STEAP1B: variants seen among roughly 807,000 people sequenced by gnomAD.
The protein encoded by STEAP1B is STEAP family protein MGC87042.
A neutral mutation model predicts 27.9 loss-of-function variants in STEAP1B; 13 were observed. The observed-to-expected ratio is 0.47, with a 90% confidence interval of 0.30 to 0.74. The LOEUF is 0.74. Ranked by LOEUF, STEAP1B falls within the 30% of genes least tolerant of loss-of-function variation. The pLI, the probability that STEAP1B is intolerant of heterozygous loss-of-function variation, is 0.06. For synonymous variants in STEAP1B, 86 were observed against 107.1 expected, an observed-to-expected ratio of 0.80 and a Z score of 1.22; for missense variants, 250 against 298.7, an observed-to-expected ratio of 0.84 and a Z score of 1.20.
chr7:22,438,490 T>C, intron 4 of STEAP1B: 1 of 1,548,940 alleles, frequency 6.5e-7, no homozygotes. Flanking sequence ...CATGCATGCT[T>C]AAATCTGAAA....
chr7:22,419,755 T>G lies in STEAP1B; in HGVS notation c.*49A>C. ...GTTCTGCATGAGCAATCCAATGCTG[T>G]GCTCCAAAGCCTCGTTCTCATTTCC... On this transcript the variant is annotated 3_prime_UTR_variant, in exon 5 of 5. Coordinates refer to ENST00000678116, the MANE Select transcript of STEAP1B (RefSeq NM_001382447.1). 1 of 1,543,724 alleles carries G rather than the reference T, an allele frequency of 6.5e-7. No homozygotes were observed.
intron 4 of STEAP1B, among the ~76,000 whole-genome samples, chr7:22,481,804 A>C (rs923035962): frequency 3.2e-4 from 49 of 152,372 alleles, no homozygotes; most frequent in African/African-American, 1.1e-3. Flanking sequence ...TTGTGTTGAA[A>C]GACAAGGAAA....
At chr7:22,455,549 T>A (rs1281229225) in intron 4 of STEAP1B, among the ~76,000 whole-genome samples, 1 of 152,220 alleles carries the variant, frequency 6.6e-6, no homozygotes, top group Non-Finnish European at 1.5e-5. Flanking sequence ...CTCGTTAAAG[T>A]CCACTCCCCG....
chr7:22,439,801 T>A (rs1226757868), intron 4 of STEAP1B, among the ~76,000 whole-genome samples: 2 of 152,180 alleles, frequency 1.3e-5, no homozygotes, highest in African/African-American at 4.8e-5. Context: ...GTAACTATAG[T>A]ATGAAATTCT....
Position 22,496,878 on chromosome 7 carries a change from C to T in STEAP1B, c.-31-1992G>A, listed in dbSNP as rs970685793. On this transcript the variant is annotated intron_variant, in intron 1 of 4. Coordinates refer to ENST00000678116, the MANE Select transcript of STEAP1B (RefSeq NM_001382447.1). ...AAGGTTTAACTATAACAAAGGATAA[C>T]GAGATGCTTTTATATACGCCAACAT... Among the ~76,000 whole-genome samples the T allele has an allele frequency of 4.3e-4, 65 of 152,166 alleles. 2 individuals are homozygous for T. The highest frequency in any genetic ancestry group is 3.4e-3 in the Admixed American group (52 of 15,278).
chr7:22,492,860 T>G, intron 3 of STEAP1B, 131 bp from the exon 4 acceptor site: 2 of 1,401,986 alleles, frequency 1.4e-6, no homozygotes, highest in Non-Finnish European at 1.9e-6. Context: ...TTATGACTTT[T>G]TCTTTTTTTT....
chr7:22,494,704 C>T (rs1288267580), intron 2 of STEAP1B, 68 bp downstream of exon 2: 34 of 1,162,082 alleles, frequency 2.9e-5, no homozygotes, highest in South Asian at 6.0e-5. Flanking sequence ...CTAGGAGATA[C>T]AGAATGTCAT....
chr7:22,459,929 T>C (rs747176302), intron 4 of STEAP1B, among the ~76,000 whole-genome samples: 10 of 152,264 alleles, frequency 6.6e-5, no homozygotes, highest in Non-Finnish European at 1.2e-4. Context: ...CCCACCACAA[T>C]AGCGTAATTT....
intron 1 of STEAP1B, among the ~76,000 whole-genome samples, chr7:22,499,175 G>A (rs1434447426): frequency 6.6e-6 from 1 of 152,188 alleles, no homozygotes; most frequent in East Asian, 1.9e-4. Context: ...TTTCTAATGC[G>A]ACTGCTGTTT....
chr7:22,456,788 C>T (rs1246667904), intron 4 of STEAP1B, among the ~76,000 whole-genome samples: 6 of 150,624 alleles, frequency 4.0e-5, no homozygotes, highest in Admixed American at 2.0e-4. Flanking sequence ...CAGAAGGAAT[C>T]GGATGTAGTG....
At chr7:22,430,691 G>A (rs1785174503) in intron 4 of STEAP1B, among the ~76,000 whole-genome samples, 1 of 152,154 alleles carries the variant, frequency 6.6e-6, no homozygotes, top group South Asian at 2.1e-4. Context: ...CAACAGCCAC[G>A]TTTTTCTCAA....
At position 22,440,366 on chromosome 7, in the gene STEAP1B, CA is replaced by C. The variant is rs979434490; in HGVS notation, c.763-20531del. Among the ~76,000 whole-genome samples, 11 of 152,152 alleles carry C rather than the reference CA, an allele frequency of 7.2e-5. 1 individual carries two copies. The highest frequency in any genetic ancestry group is 6.5e-4 in the Admixed American group (10 of 15,280). ...CAACATTTAACTTGGGTGAAACATT[CA>C]AAAGAATAATCTTAGGTAGAAATTA... On this transcript the variant is annotated intron_variant, in intron 4 of 4. Transcript: ENST00000678116.
intron 4 of STEAP1B, among the ~76,000 whole-genome samples, chr7:22,440,528 G>A (rs1291488760): frequency 6.6e-6 from 1 of 152,110 alleles, no homozygotes; most frequent in Non-Finnish European, 1.5e-5. Context: ...ATATAAAAAT[G>A]TTAAAATTGA....
At chr7:22,441,387 T>C (rs551395939) in intron 4 of STEAP1B, among the ~76,000 whole-genome samples, 2 of 152,212 alleles carry the variant, frequency 1.3e-5, no homozygotes, top group Non-Finnish European at 2.9e-5. Flanking sequence ...CAGGCACTGT[T>C]GAACTATTTT....
At chr7:22,449,546 T>C (rs1308325912) in intron 4 of STEAP1B, among the ~76,000 whole-genome samples, 2 of 152,364 alleles carry the variant, frequency 1.3e-5, no homozygotes, top group East Asian at 1.9e-4. Flanking sequence ...CATCTGTTGA[T>C]GGACTCATAG....
At chr7:22,444,383 C>G (rs1432997465) in intron 4 of STEAP1B, among the ~76,000 whole-genome samples, 1 of 152,110 alleles carries the variant, frequency 6.6e-6, no homozygotes, top group Non-Finnish European at 1.5e-5. Flanking sequence ...CTTCAATCAC[C>G]TCTAACTATG....
intron 4 of STEAP1B, among the ~76,000 whole-genome samples, chr7:22,427,108 C>T (rs1785118653): frequency 1.3e-5 from 2 of 152,140 alleles, no homozygotes; most frequent in Non-Finnish European, 2.9e-5. Flanking sequence ...ACAGAGACAG[C>T]AGAGGCCCAG....
rs1382856289 is a variant in STEAP1B, at chr7:22,419,528, G to A, written c.*276C>T. ...CATTTGATTATCATGTCTGATCCTC[G>A]TGTCGGGATAGGCTAGGTTAGGCTC... On this transcript the variant is annotated 3_prime_UTR_variant, in exon 5 of 5. Coordinates refer to ENST00000678116, the MANE Select transcript of STEAP1B (RefSeq NM_001382447.1). 1.1e-5 allele frequency: 3 copies of A among 277,476 alleles called. No individual in the cohort carries two copies. Among genetic ancestry groups the A allele is most frequent in the Middle Eastern group, 1.0e-3 (1 of 1,002 alleles). The allele number at this position is 277,476 out of a possible 1,614,324, so 17.2% of individuals were successfully genotyped here.
chr7:22,454,856 T>C (rs1785550143), intron 4 of STEAP1B, among the ~76,000 whole-genome samples: 2 of 84,700 alleles, frequency 2.4e-5, no homozygotes, highest in African/African-American at 1.0e-4. Flanking sequence ...TATGTATATA[T>C]ATATATATAT....
Sources: gnomAD v4.1 joint callset for allele counts (sites outside exome capture counted in the v4.1 genomes callset) on GRCh38, gnomAD v4.1.1 for gene constraint, MANE v1.5 for transcripts, NCBI Gene and HGNC (gene_info 2026-07-23, HGNC 2026-07-21) for gene names.